OSTN: variants seen among roughly 807,000 people sequenced by gnomAD.
OSTN encodes the protein osteocrin.
A neutral mutation model predicts 12.0 loss-of-function variants in OSTN; 9 were observed. That is an observed-to-expected ratio of 0.75 (90% CI 0.45 to 1.30). OSTN has a LOEUF of 1.30. Ranked by LOEUF, OSTN falls within the 50% of genes most tolerant of loss-of-function variation. OSTN has a pLI of 0.00. For synonymous variants in OSTN, 59 were observed against 56.9 expected (o/e 1.04, Z -0.16); for missense variants, 148 against 152.3 (o/e 0.97, Z 0.15).
At chr3:191,260,198 T>G (rs757380110) in intron 4 of OSTN, among the ~76,000 whole-genome samples, 1 of 151,894 alleles carries the variant, frequency 6.6e-6, no homozygotes, top group Admixed American at 6.6e-5. Context: ...GTGTAAGATA[T>G]CTCTAATTTT....
At chr3:191,246,741 A>AGAGGAGAAG (rs143092643) in intron 3 of OSTN, among the ~76,000 whole-genome samples, 12 of 151,438 alleles carry the variant, frequency 7.9e-5, no homozygotes, top group South Asian at 2.1e-4. Flanking sequence ...AGGAGGAGGA[A>AGAGGAGAAG]GAGGAGAAGG....
intron 4 of OSTN, among the ~76,000 whole-genome samples, chr3:191,259,125 C>A (rs1397953139): frequency 2.0e-5 from 3 of 151,934 alleles, no homozygotes; most frequent in Admixed American, 6.6e-5. Flanking sequence ...TTTTCTAGAC[C>A]TTTTCCTGTG....
chr3:191,261,101 C>T (rs962295521), intron 4 of OSTN, among the ~76,000 whole-genome samples: 3 of 152,074 alleles, frequency 2.0e-5, no homozygotes, highest in Non-Finnish European at 2.9e-5. Flanking sequence ...CTTGGGTTCT[C>T]GTAACTGTGA....
chr3:191,210,710 C>A (rs1714397507), intron 1 of OSTN, among the ~76,000 whole-genome samples: 1 of 152,130 alleles, frequency 6.6e-6, no homozygotes, highest in African/African-American at 2.4e-5. Context: ...GCAGGTTTTC[C>A]AAATGACTTT....
intron 1 of OSTN, among the ~76,000 whole-genome samples, chr3:191,201,294 A>T (rs1382002365): frequency 6.6e-6 from 1 of 151,726 alleles, no homozygotes; most frequent in African/African-American, 2.4e-5. Context: ...AACAATTTCT[A>T]TATTATTATC....
At chr3:191,260,250 G>A (rs750817273) in intron 4 of OSTN, among the ~76,000 whole-genome samples, 3 of 150,808 alleles carry the variant, frequency 2.0e-5, no homozygotes, top group Admixed American at 1.3e-4. Context: ...TAAAGGATCC[G>A]TCTTCTGGCC....
chr3:191,232,506 C>CTATATATATATATATATATA (rs150235705), intron 3 of OSTN, among the ~76,000 whole-genome samples: 3 of 146,322 alleles, frequency 2.1e-5, no homozygotes, highest in Non-Finnish European at 4.5e-5. Flanking sequence ...AAAGTAAATG[C>CTATATATATATATATATATA]TATATATATA....
intron 3 of OSTN, 151 bp downstream of exon 3, chr3:191,219,112 T>TA: frequency 1.4e-6 from 1 of 736,182 alleles, no homozygotes; most frequent in Non-Finnish European, 2.2e-6. Context: ...GGTTTAATAA[T>TA]ACAGTTTTCT....
chr3:191,226,723 A>G (rs550951396), intron 3 of OSTN, among the ~76,000 whole-genome samples: 1 of 152,320 alleles, frequency 6.6e-6, no homozygotes, highest in African/African-American at 2.4e-5. Context: ...AATAGACTCC[A>G]TTTCATATGC....
At position 191,221,994 on chromosome 3, in the gene OSTN, G is replaced by A. The variant is rs147956704; in HGVS notation, c.317+3033G>A. Among the ~76,000 whole-genome samples the A allele has an allele frequency of 3.3e-3, 499 of 152,354 alleles. 3 individuals are homozygous for A. The highest frequency in any genetic ancestry group is 0.011 in the African/African-American group (473 of 41,576). ...GTATAACTGGGGCCATGGTTTCAGA[G>A]GGTGCAAGCCCCAAGCCTTGGCGGC... On this transcript the variant is annotated intron_variant, in intron 3 of 4. Coordinates refer to ENST00000682035, the MANE Select transcript of OSTN (RefSeq NM_198184.2).
Position 191,263,912 on chromosome 3 carries a change from AT to A in OSTN, c.*1060del, listed in dbSNP as rs1391165472. The A allele has an allele frequency of 1.3e-5, 2 of 151,794 alleles. No homozygotes were observed. Among genetic ancestry groups the A allele is most frequent in the African/African-American group, 4.8e-5 (2 of 41,376 alleles). 9.4% of individuals were successfully genotyped at this position (151,794 alleles called of 1,614,324 possible). On this transcript the variant is annotated 3_prime_UTR_variant, in exon 5 of 5. Transcript: ENST00000682035. ...TATGATGTTACTGTAGCTTGGACAC[AT>A]AGGTCCATTGTGCATTGGATATACT...
At chr3:191,253,722 A>T (rs1406196807) in intron 4 of OSTN, among the ~76,000 whole-genome samples, 1 of 152,212 alleles carries the variant, frequency 6.6e-6, no homozygotes, top group African/African-American at 2.4e-5. Context: ...AAAGGTACCA[A>T]ACTCTCAGCT....
At chr3:191,224,664 T>A (rs536186211) in intron 3 of OSTN, among the ~76,000 whole-genome samples, 1 of 152,008 alleles carries the variant, frequency 6.6e-6, no homozygotes, top group Non-Finnish European at 1.5e-5. Flanking sequence ...AACTGAAATA[T>A]AGTAAAACTA....
At chr3:191,228,441 G>A (rs567499909) in intron 3 of OSTN, among the ~76,000 whole-genome samples, 10 of 152,100 alleles carry the variant, frequency 6.6e-5, no homozygotes, top group East Asian at 1.9e-4. Flanking sequence ...CAAATTCTAC[G>A]CCAAATACAG....
chr3:191,250,260 A>G, intron 4 of OSTN, 127 bp downstream of exon 4: 1 of 702,586 alleles, frequency 1.4e-6, no homozygotes, highest in East Asian at 2.7e-5. Flanking sequence ...TCACTTTTTC[A>G]ATCATTTATG....
chr3:191,220,669 A>C (rs1394769775), intron 3 of OSTN, among the ~76,000 whole-genome samples: 1 of 152,174 alleles, frequency 6.6e-6, no homozygotes, highest in Admixed American at 6.5e-5. Context: ...TTTAAAAACT[A>C]ATCTAAAAAG....
intron 2 of OSTN, among the ~76,000 whole-genome samples, chr3:191,214,053 A>G (rs554825432): frequency 6.6e-6 from 1 of 152,298 alleles, no homozygotes; most frequent in East Asian, 1.9e-4. Context: ...ACTGTGAAAG[A>G]TTTGTAATTT....
At chr3:191,241,881 A>T (rs1715329238) in intron 3 of OSTN, among the ~76,000 whole-genome samples, 1 of 152,236 alleles carries the variant, frequency 6.6e-6, no homozygotes, top group Non-Finnish European at 1.5e-5. Flanking sequence ...TAATGAGAAT[A>T]ACATTATCTA....
chr3:191,257,542 G>C (rs1315761310), intron 4 of OSTN, among the ~76,000 whole-genome samples: 3 of 152,064 alleles, frequency 2.0e-5, no homozygotes, highest in Non-Finnish European at 4.4e-5. Context: ...AGGAAAGATG[G>C]ACCAGGTGTT....
Sources: allele counts gnomAD v4.1 joint callset (sites outside exome capture counted in the v4.1 genomes callset), GRCh38; gene constraint gnomAD v4.1.1; transcripts MANE v1.5; gene names NCBI Gene and HGNC (gene_info 2026-07-23, HGNC 2026-07-21).